Variants in RASSF6 observed in about 807,000 individuals in gnomAD.
RASSF6 encodes the protein Ras association domain family member 6, also known as ras association domain-containing protein 6.
Under a neutral mutation model 44.0 loss-of-function variants are expected in RASSF6, and 52 were observed. That is an observed-to-expected ratio of 1.18 (90% confidence interval 0.95 to 1.49). RASSF6 has a LOEUF of 1.49. Among genes scored for constraint, RASSF6 ranks in the 40% most tolerant of loss-of-function variants. The probability of loss-of-function intolerance (pLI) is 0.00; values close to 1 mark genes in which losing one functional copy is unlikely to be tolerated. For missense variants in RASSF6, 464 were observed against 393.3 expected, an observed-to-expected ratio of 1.18 and a Z score of -1.52; for synonymous variants, 162 against 124.6, an observed-to-expected ratio of 1.30 and a Z score of -2.00.
At chr4:73,587,813 C>A in intron 5 of RASSF6, 27 bp downstream of exon 5, 1 of 1,440,406 alleles carries the variant, frequency 6.9e-7, no homozygotes, top group Non-Finnish European at 9.8e-7. Context: ...AATTAAGTCT[C>A]CCAATCAATA....
intron 2 of RASSF6, among the ~76,000 whole-genome samples, chr4:73,606,901 G>A (rs1258226105): frequency 6.6e-6 from 1 of 152,018 alleles, no homozygotes; most frequent in Non-Finnish European, 1.5e-5. Context: ...TGGACATTTG[G>A]GATTGTTACT....
At chr4:73,577,889 A>T (rs889520210) in intron 8 of RASSF6, among the ~76,000 whole-genome samples, 8 of 152,316 alleles carry the variant, frequency 5.3e-5, no homozygotes, top group African/African-American at 1.7e-4. Context: ...GGGAATCTGT[A>T]TTTTAAGTGA....
At position 73,576,089 on chromosome 4, in the gene RASSF6, A is replaced by C. The variant is rs939985589; in HGVS notation, c.*146T>G. ...CCCTAATTAACCTCATCACTTCAAA[A>C]AGAAATGAGCTTTTTTTGACATTCA... On this transcript the variant is annotated 3_prime_UTR_variant, in exon 11 of 11. Coordinates refer to ENST00000307439, the MANE Select transcript of RASSF6 (RefSeq NM_177532.5). The C allele has an allele frequency of 3.7e-5, 20 of 534,788 alleles. No homozygotes were observed. The highest frequency in any genetic ancestry group is 6.2e-5 in the Non-Finnish European group (19 of 307,702). 33.1% of individuals were successfully genotyped at this position (534,788 alleles called of 1,614,324 possible).
chr4:73,605,468 C>G (rs1270737838), intron 2 of RASSF6, among the ~76,000 whole-genome samples: 1 of 152,216 alleles, frequency 6.6e-6, no homozygotes, highest in Admixed American at 6.5e-5. Context: ...TTTGGCTCCT[C>G]TTTCATAAAC....
At chr4:73,606,543 G>A (rs1477316497) in intron 2 of RASSF6, among the ~76,000 whole-genome samples, 2 of 152,120 alleles carry the variant, frequency 1.3e-5, no homozygotes, top group African/African-American at 4.8e-5. Flanking sequence ...AGGGAATGGA[G>A]CAATTAGGCT....
At chr4:73,620,599 T>C, upstream of RASSF6, 2 of 893,632 alleles carry the variant, frequency 2.2e-6, no homozygotes, top group Non-Finnish European at 3.3e-6. Context: ...CAGGGAAGTG[T>C]CAAGAAACCT....
chr4:73,579,167 T>C (rs1449959721), intron 8 of RASSF6, among the ~76,000 whole-genome samples: 1 of 152,186 alleles, frequency 6.6e-6, no homozygotes, highest in Non-Finnish European at 1.5e-5. Context: ...TTCCATTCAA[T>C]GGCAGCCTAA....
At chr4:73,614,275 CTCTGTTGTGG>C (rs1185227345) in intron 1 of RASSF6, among the ~76,000 whole-genome samples, 1 of 152,200 alleles carries the variant, frequency 6.6e-6, no homozygotes, top group Non-Finnish European at 1.5e-5. Context: ...GAGGGCCTCC[CTCTGTTGTGG>C]TCTGAATGTT....
chr4:73,585,357 TAA>T lies in RASSF6; in HGVS notation c.388_389del (p.Leu130IlefsTer14), dbSNP rs775435885. 2.5e-6 allele frequency: 4 copies of T among 1,581,738 alleles called. No homozygotes were observed. The highest frequency in any genetic ancestry group is 2.6e-6 in the Non-Finnish European group (3 of 1,166,714). The part of the protein sequence containing the change: ...SEKRNSQEDY[L>X]SYHSNTLKPH... ...GCTTCAGGGTGTTGCTGTGATAAGA[TAA>T]ATAGTCTGGGAAGAATAGATTATAA... is the stretch of plus-strand genomic sequence containing the variant. On this transcript the variant is annotated frameshift_variant, in exon 6 of 11. Transcript: ENST00000307439. LOFTEE classifies it high-confidence loss of function.
At position 73,578,188 on chromosome 4, in the gene RASSF6, A is replaced by G. The variant is rs1373298998; in HGVS notation, c.722-1457T>C. Among the ~76,000 whole-genome samples, 3 of 152,206 alleles carry G rather than the reference A, an allele frequency of 2.0e-5. No homozygotes were observed. In the East Asian group the frequency reaches 5.8e-4, roughly 29 times the overall value. ...ATAAAAACAACACGCTTGTTCGTTC[A>G]TAGGTCCAGCACCTTGTGTGGAGCC... On this transcript the variant is annotated intron_variant, in intron 8 of 10. Coordinates refer to ENST00000307439, the MANE Select transcript of RASSF6 (RefSeq NM_177532.5).
At chr4:73,593,102 G>A (rs1428840507) in intron 4 of RASSF6, among the ~76,000 whole-genome samples, 3 of 148,860 alleles carry the variant, frequency 2.0e-5, no homozygotes, top group Non-Finnish European at 4.4e-5. Flanking sequence ...TGCAAACTCC[G>A]CCTCCCGGAT....
chr4:73,589,022 A>G (rs1051548372), intron 4 of RASSF6, among the ~76,000 whole-genome samples: 1 of 152,154 alleles, frequency 6.6e-6, no homozygotes, highest in East Asian at 1.9e-4. Flanking sequence ...AACAAAAAAT[A>G]TTTATTAATA....
chr4:73,607,246 A>G (rs1725706486), intron 2 of RASSF6, among the ~76,000 whole-genome samples: 1 of 152,152 alleles, frequency 6.6e-6, no homozygotes, highest in Admixed American at 6.5e-5. Context: ...AAACCCCCAC[A>G]CCGTTATGGC....
intron 3 of RASSF6, 70 bp downstream of exon 3, chr4:73,598,569 TG>T: frequency 2.0e-6 from 1 of 510,176 alleles, no homozygotes; most frequent in Non-Finnish European, 3.0e-6. Context: ...CTTCCAGAAT[TG>T]TGTGTGTGTG....
chr4:73,613,515 C>T (rs1285670423), intron 1 of RASSF6, among the ~76,000 whole-genome samples: 1 of 152,082 alleles, frequency 6.6e-6, no homozygotes, highest in Non-Finnish European at 1.5e-5. Context: ...GACTGAAATC[C>T]CCCAGTGATG....
At chr4:73,601,780 G>A (rs1401340077) in intron 2 of RASSF6, among the ~76,000 whole-genome samples, 1 of 152,200 alleles carries the variant, frequency 6.6e-6, no homozygotes, top group Non-Finnish European at 1.5e-5. Flanking sequence ...AAAATACAAT[G>A]TATGTCTGTA....
intron 6 of RASSF6, among the ~76,000 whole-genome samples, chr4:73,584,576 G>A (rs1348235646): frequency 3.3e-5 from 5 of 152,146 alleles, no homozygotes; most frequent in Admixed American, 2.6e-4. Flanking sequence ...CTGGAACATG[G>A]CAACATGAGA....
intron 3 of RASSF6, 150 bp downstream of exon 3, chr4:73,598,490 T>C (rs1259453263): frequency 2.0e-6 from 1 of 495,376 alleles, no homozygotes; most frequent in Non-Finnish European, 3.6e-6. Flanking sequence ...TCAAAAATGC[T>C]TAGAAAGTCA....
chr4:73,585,475 G>T (rs1724017677), intron 5 of RASSF6, 111 bp from the exon 6 acceptor site: 1 of 696,520 alleles, frequency 1.4e-6, no homozygotes, highest in Non-Finnish European at 2.2e-6. Flanking sequence ...TTTTCTGGCT[G>T]TGTAAAAGCA....
Sources: allele counts gnomAD v4.1 joint callset (sites outside exome capture counted in the v4.1 genomes callset), GRCh38; gene constraint gnomAD v4.1.1; transcripts MANE v1.5; gene names NCBI Gene and HGNC (gene_info 2026-07-23, HGNC 2026-07-21).